The following KDM4C variants were observed in gnomAD, a reference collection of about 807,000 sequenced individuals.
The protein encoded by KDM4C is lysine-specific demethylase 4C.
Under a neutral mutation model 129.3 loss-of-function variants are expected in KDM4C, and 81 were observed. The observed-to-expected ratio is 0.63, with a 90% CI of 0.52 to 0.75. KDM4C has a LOEUF of 0.75. Among genes scored for constraint, KDM4C ranks in the 30% least tolerant of loss-of-function variants. KDM4C has a pLI of 0.00. For missense variants in KDM4C, 1,457 were observed against 1,304.0 expected (o/e 1.12, Z -1.81); for synonymous variants, 573 against 456.1 (o/e 1.26, Z -3.26).
At chr9:6,737,185 G>A (rs1000539031) in intron 1 of KDM4C, among the ~76,000 whole-genome samples, 1 of 151,698 alleles carries the variant, frequency 6.6e-6, no homozygotes, top group East Asian at 1.9e-4. Context: ...TGACAAACGG[G>A]ACCTAATTAA....
At chr9:7,089,545 G>C (rs1200830235) in intron 17 of KDM4C, among the ~76,000 whole-genome samples, 1 of 152,140 alleles carries the variant, frequency 6.6e-6, no homozygotes, top group Non-Finnish European at 1.5e-5. Context: ...TCACTTCACT[G>C]CTTATCGCTG....
At chr9:6,732,725 C>T (rs917720069) in intron 1 of KDM4C, among the ~76,000 whole-genome samples, 1 of 151,904 alleles carries the variant, frequency 6.6e-6, no homozygotes, top group Admixed American at 6.6e-5. Context: ...AGTACCACCA[C>T]GTGGTGGCTG....
intron 1 of KDM4C, among the ~76,000 whole-genome samples, chr9:6,725,471 G>T (rs1385527060): frequency 2.0e-5 from 3 of 151,954 alleles, no homozygotes; most frequent in Admixed American, 6.6e-5. Flanking sequence ...GTATGTCACA[G>T]ATTCTCTCTT....
chr9:7,071,203 C>T (rs1486063327), intron 17 of KDM4C, among the ~76,000 whole-genome samples: 1 of 152,134 alleles, frequency 6.6e-6, no homozygotes, highest in African/African-American at 2.4e-5. Flanking sequence ...GATTGGAAGA[C>T]ACATTGTTGT....
intron 2 of KDM4C, among the ~76,000 whole-genome samples, chr9:6,800,296 G>A (rs1482945829): frequency 6.6e-6 from 1 of 152,128 alleles, no homozygotes. Context: ...GAACCTGAGA[G>A]GCTGAGGTTG....
chr9:6,847,488 C>T (rs1052046352), intron 4 of KDM4C, among the ~76,000 whole-genome samples: 1 of 151,958 alleles, frequency 6.6e-6, no homozygotes, highest in African/African-American at 2.4e-5. Context: ...AAACACCTCC[C>T]GGGGCCGTTC....
At chr9:6,782,139 G>C (rs1167128671) in intron 1 of KDM4C, among the ~76,000 whole-genome samples, 6 of 152,112 alleles carry the variant, frequency 3.9e-5, no homozygotes, top group Admixed American at 3.9e-4. Flanking sequence ...ATAAATTTTA[G>C]TGAGTAGGTA....
At chr9:6,990,018 T>A (rs1367962906) in intron 11 of KDM4C, among the ~76,000 whole-genome samples, 1 of 151,944 alleles carries the variant, frequency 6.6e-6, no homozygotes, top group Non-Finnish European at 1.5e-5. Context: ...GCTCAAGGGA[T>A]CCCTTCACCT....
intron 1 of KDM4C, among the ~76,000 whole-genome samples, chr9:6,732,030 C>T (rs1336505166): frequency 1.3e-5 from 2 of 151,972 alleles, no homozygotes; most frequent in Non-Finnish European, 2.9e-5. Flanking sequence ...GTTCCTTACC[C>T]AGGGTCCCCA....
chr9:6,978,457 A>T (rs1833302424), intron 8 of KDM4C, among the ~76,000 whole-genome samples: 1 of 152,168 alleles, frequency 6.6e-6, no homozygotes, highest in Non-Finnish European at 1.5e-5. Flanking sequence ...TTTAATCCTC[A>T]AGTAACAAAT....
chr9:6,767,259 C>T (rs891899503), intron 1 of KDM4C, among the ~76,000 whole-genome samples: 3 of 151,984 alleles, frequency 2.0e-5, no homozygotes, highest in East Asian at 3.9e-4. Context: ...CTGCCTCAGC[C>T]TCCCGAGTAG....
chr9:6,964,570 T>C (rs1830572540), intron 8 of KDM4C, among the ~76,000 whole-genome samples: 2 of 152,140 alleles, frequency 1.3e-5, no homozygotes, highest in South Asian at 2.1e-4. Flanking sequence ...TGTGTCTTTA[T>C]AGAGTTCAAG....
At chr9:6,733,472 G>T (rs188803416) in intron 1 of KDM4C, among the ~76,000 whole-genome samples, 5 of 152,344 alleles carry the variant, frequency 3.3e-5, no homozygotes, top group Admixed American at 6.5e-5. Flanking sequence ...AGTACTGAGA[G>T]ATCAGACTCT....
intron 19 of KDM4C, among the ~76,000 whole-genome samples, chr9:7,148,255 T>C (rs561887043): frequency 1.3e-5 from 2 of 152,362 alleles, no homozygotes; most frequent in South Asian, 4.1e-4. Context: ...CAGCCCTGGC[T>C]TGGGGAACCT....
intron 5 of KDM4C, among the ~76,000 whole-genome samples, chr9:6,861,975 T>C (rs1377265623): frequency 6.6e-6 from 1 of 152,088 alleles, no homozygotes; most frequent in Non-Finnish European, 1.5e-5. Context: ...TTTTGCCGCG[T>C]TGGCCAGGCT....
intron 1 of KDM4C, among the ~76,000 whole-genome samples, chr9:6,751,732 A>C (rs1818068928): frequency 1.3e-5 from 2 of 152,210 alleles, no homozygotes; most frequent in Non-Finnish European, 2.9e-5. Context: ...TGTTCACAAT[A>C]GTCAGCTCAA....
At chr9:7,002,035 G>C (rs547554452) in intron 12 of KDM4C, among the ~76,000 whole-genome samples, 1 of 152,096 alleles carries the variant, frequency 6.6e-6, no homozygotes, top group African/African-American at 2.4e-5. Flanking sequence ...TAGGACTACA[G>C]GCACGTACCA....
chr9:6,832,398 G>A (rs550763446), intron 4 of KDM4C, among the ~76,000 whole-genome samples: 4 of 149,460 alleles, frequency 2.7e-5, no homozygotes, highest in African/African-American at 7.3e-5. Flanking sequence ...TATGAATAAA[G>A]TAGTATAGAT....
At chr9:7,156,797 GC>G (rs1174785480) in intron 19 of KDM4C, among the ~76,000 whole-genome samples, 1 of 152,174 alleles carries the variant, frequency 6.6e-6, no homozygotes, top group Admixed American at 6.5e-5. Flanking sequence ...GATGTCTCCA[GC>G]TTTGTTCTTT....
Sources: allele counts gnomAD v4.1 joint callset (sites outside exome capture counted in the v4.1 genomes callset), GRCh38; gene constraint gnomAD v4.1.1; transcripts MANE v1.5; gene names NCBI Gene and HGNC (gene_info 2026-07-23, HGNC 2026-07-21).